The following PPP1R16B variants were observed in gnomAD, a reference collection of about 807,000 sequenced individuals.
The protein encoded by PPP1R16B is protein phosphatase 1 regulatory subunit 16B, also known as protein phosphatase 1 regulatory inhibitor subunit 16B.
A neutral mutation model predicts 61.7 loss-of-function variants in PPP1R16B; 14 were observed. That is an observed-to-expected ratio of 0.23 (90% CI 0.15 to 0.35). The LOEUF (loss-of-function observed/expected upper bound fraction) is 0.35, where lower values mean the gene tolerates loss of function less well. Among genes scored for constraint, PPP1R16B ranks in the 10% least tolerant of loss-of-function variants. PPP1R16B has a pLI of 1.00. For missense variants in PPP1R16B, 547 were observed against 752.5 expected (o/e 0.73, Z 3.19); for synonymous variants, 266 against 305.3 (o/e 0.87, Z 1.34).
chr20:38,842,497 T>C (rs1047921588), intron 2 of PPP1R16B, among the ~76,000 whole-genome samples: 1 of 152,228 alleles, frequency 6.6e-6, no homozygotes, highest in Non-Finnish European at 1.5e-5. Flanking sequence ...GATTCTTCTG[T>C]ACTCTAAATT....
chr20:38,918,534 A>T lies in PPP1R16B; in HGVS notation c.1572A>T (p.Arg524Ser), dbSNP rs756145703. 2 of 1,588,722 alleles carry T rather than the reference A, an allele frequency of 1.3e-6. No individual in the cohort carries two copies. Among genetic ancestry groups the T allele is most frequent in the South Asian group, 2.3e-5 (2 of 87,314 alleles). ...GCAAGGCCCCCTTGATCGGAGGCAG[A>T]ACTTCACCGTACAGCAGCAATGGGA... ...SEGKAPLIGG[R>S]TSPYSSNGTS... Residue 524 changes from arginine to serine, a missense_variant, in exon 11 of 11, where the codon AGA becomes AGT. By Grantham distance (110) the Arg-to-Ser change is moderately radical (BLOSUM62 -1). Transcript: ENST00000299824. This position sits in a 1 kb window ranked among gnomAD's most constrained non-coding sequence, Gnocchi z 5.3.
intron 4 of PPP1R16B, among the ~76,000 whole-genome samples, chr20:38,896,608 A>G (rs888452970): frequency 1.3e-5 from 2 of 151,964 alleles, no homozygotes; most frequent in Admixed American, 6.6e-5. Flanking sequence ...TATAGTGATA[A>G]AACACATATA....
Position 38,918,728 on chromosome 20 carries a change from A to T in PPP1R16B, c.*62A>T, listed in dbSNP as rs970058137. The T allele has an allele frequency of 1.1e-5, 16 of 1,466,312 alleles. No individual in the cohort carries two copies. Among genetic ancestry groups the T allele is most frequent in the Non-Finnish European group, 1.4e-5 (16 of 1,110,678 alleles). The allele number at this position is 1,466,312 out of a possible 1,614,324, so 90.8% of individuals were successfully genotyped here. Reference sequence around the variant, plus strand: ...GGCTCCTGGAATCCAGGCCAGCCCAACAGCCCTGGCTGGGGAGGTGTCAGG... The same window carrying T: ...GGCTCCTGGAATCCAGGCCAGCCCATCAGCCCTGGCTGGGGAGGTGTCAGG... On this transcript the variant is annotated 3_prime_UTR_variant, in exon 11 of 11. Coordinates refer to ENST00000299824, the MANE Select transcript of PPP1R16B (RefSeq NM_015568.4). This position sits in a 1 kb window ranked among gnomAD's most constrained non-coding sequence, Gnocchi z 5.3.
At chr20:38,899,921 C>T (rs1021590731) in intron 4 of PPP1R16B, among the ~76,000 whole-genome samples, 3 of 151,958 alleles carry the variant, frequency 2.0e-5, no homozygotes, top group South Asian at 2.1e-4. Flanking sequence ...CTCAGCCTCC[C>T]GAATAGCTGG....
At chr20:38,815,372 TC>T (rs2084729048) in intron 1 of PPP1R16B, among the ~76,000 whole-genome samples, 1 of 152,228 alleles carries the variant, frequency 6.6e-6, no homozygotes, top group Non-Finnish European at 1.5e-5. Context: ...TATCTGATAG[TC>T]CAGTGATAAA....
chr20:38,867,564 TGCTTTAGCACAGTGCCTG>T (rs2085098593), intron 2 of PPP1R16B, among the ~76,000 whole-genome samples: 1 of 152,238 alleles, frequency 6.6e-6, no homozygotes, highest in South Asian at 2.1e-4. Context: ...AATGAAGCCT[TGCTTTAGCACAGTGCCTG>T]GCACAGAGGA....
In PPP1R16B at chr20:38,902,708, T is replaced by C. The variant is rs965467576; in HGVS notation, c.612T>C (p.Pro204=). 45 of 1,614,092 alleles carry C rather than the reference T, an allele frequency of 2.8e-5. No individual in the cohort carries two copies. Among genetic ancestry groups the C allele is most frequent in the Non-Finnish European group, 3.6e-5 (43 of 1,180,046 alleles). Reference sequence around the variant, plus strand: ...AAATCAACGAGATGCGGGTGGCTCCTGAGCAGCAGATGATTGCGGACATCC... The same window carrying C: ...AAATCAACGAGATGCGGGTGGCTCCCGAGCAGCAGATGATTGCGGACATCC... ...QEKINEMRVA[P]EQQMIADIHC... Residue 204 remains proline, a synonymous_variant, in exon 6 of 11, where the codon CCT becomes CCC. Coordinates refer to ENST00000299824, the MANE Select transcript of PPP1R16B (RefSeq NM_015568.4).
chr20:38,867,829 C>T (rs554625989), intron 2 of PPP1R16B, among the ~76,000 whole-genome samples: 63 of 152,196 alleles, frequency 4.1e-4, no homozygotes, highest in African/African-American at 1.4e-3. Flanking sequence ...CCCGCCACCA[C>T]GCCCAGCTAA....
intron 1 of PPP1R16B, among the ~76,000 whole-genome samples, chr20:38,820,605 T>C (rs1292003669): frequency 6.6e-6 from 1 of 152,008 alleles, no homozygotes; most frequent in Non-Finnish European, 1.5e-5. Context: ...AGGAATTCAA[T>C]TGCAGGATTA....
intron 2 of PPP1R16B, among the ~76,000 whole-genome samples, chr20:38,883,770 C>G (rs1159915520): frequency 6.6e-6 from 1 of 152,190 alleles, no homozygotes; most frequent in East Asian, 1.9e-4. Flanking sequence ...GGCACACAAG[C>G]AAGAGCTCAC....
chr20:38,905,483 G>C (rs1446433685), intron 6 of PPP1R16B, among the ~76,000 whole-genome samples: 2 of 152,158 alleles, frequency 1.3e-5, no homozygotes, highest in African/African-American at 2.4e-5. Flanking sequence ...ACAACATAAA[G>C]TAGAAGCAGA....
At chr20:38,812,893 A>G (rs768445642) in intron 1 of PPP1R16B, among the ~76,000 whole-genome samples, 20 of 152,170 alleles carry the variant, frequency 1.3e-4, no homozygotes, top group Admixed American at 2.6e-4. Context: ...TTGCATATGG[A>G]TCCCCTTTGG....
At chr20:38,905,105 T>C (rs969996597) in intron 6 of PPP1R16B, among the ~76,000 whole-genome samples, 3 of 152,258 alleles carry the variant, frequency 2.0e-5, no homozygotes, top group Non-Finnish European at 4.4e-5. Context: ...TATTATCTAT[T>C]GCTGCATAAC....
chr20:38,918,620 T>C lies in PPP1R16B; in HGVS notation c.1658T>C (p.Ile553Thr), dbSNP rs775353338. The C allele has an allele frequency of 3.3e-6, 5 of 1,521,270 alleles. No homozygotes were observed. The highest frequency in any genetic ancestry group is 3.5e-6 in the Non-Finnish European group (4 of 1,135,616). 94.2% of individuals were successfully genotyped at this position (1,521,270 alleles called of 1,614,324 possible). ...DPPLLKFKAP[I>T]EEMEEKVHGC... ...CCACTCTTAAAGTTCAAGGCCCCCATAGAGGAGATGGAGGAGAAGGTGCAT... is the reference window on the plus strand; with the variant it reads ...CCACTCTTAAAGTTCAAGGCCCCCACAGAGGAGATGGAGGAGAAGGTGCAT... Residue 553 changes from isoleucine to threonine, a missense_variant, in exon 11 of 11, where the codon ATA (isoleucine) becomes ACA (threonine). Physicochemically the swap from Ile to Thr is moderately conservative, Grantham distance 89. Coordinates refer to ENST00000299824, the MANE Select transcript of PPP1R16B (RefSeq NM_015568.4). This position sits in a 1 kb window ranked among gnomAD's most constrained non-coding sequence, Gnocchi z 5.3.
chr20:38,857,672 C>T lies in PPP1R16B; in HGVS notation c.250+21497C>T, dbSNP rs1282454367. 1.2e-4 allele frequency among the ~76,000 whole-genome samples: 18 copies of T among 152,260 alleles called. No homozygotes were observed. The East Asian group carries it at 1.5e-3, about 13-fold the overall frequency. ...TATATATTTAAAGCCCACACAACTC[C>T]GTAGATTTCTTAAAGCTCCATTTTT... On this transcript the variant is annotated intron_variant, in intron 2 of 10. Transcript: ENST00000299824.
chr20:38,829,150 G>A (rs1443105563), intron 1 of PPP1R16B, among the ~76,000 whole-genome samples: 2 of 152,200 alleles, frequency 1.3e-5, no homozygotes, highest in African/African-American at 4.8e-5. Flanking sequence ...AAGAGGGGCT[G>A]AGTTAAGGCT....
intron 3 of PPP1R16B, among the ~76,000 whole-genome samples, chr20:38,892,704 A>C (rs1223702316): frequency 6.6e-6 from 1 of 152,186 alleles, no homozygotes; most frequent in Non-Finnish European, 1.5e-5. Context: ...GTGGCAGCTT[A>C]AAACTGGGAA....
At chr20:38,883,231 CTGT>C (rs2085215640) in intron 2 of PPP1R16B, among the ~76,000 whole-genome samples, 1 of 152,240 alleles carries the variant, frequency 6.6e-6, no homozygotes, top group Non-Finnish European at 1.5e-5. Context: ...CTCTGCCTGG[CTGT>C]CTCCGTTTCC....
At chr20:38,913,385 C>T (rs1310082428) in intron 10 of PPP1R16B, among the ~76,000 whole-genome samples, 3 of 151,946 alleles carry the variant, frequency 2.0e-5, no homozygotes, top group Admixed American at 6.6e-5. Context: ...GCCTTAGCCT[C>T]CTGAGTAGCT....
Sources: allele counts gnomAD v4.1 joint callset (sites outside exome capture counted in the v4.1 genomes callset), GRCh38; gene constraint gnomAD v4.1.1; non-coding constraint Gnocchi (gnomAD v3.1); transcripts MANE v1.5; gene names NCBI Gene and HGNC (gene_info 2026-07-23, HGNC 2026-07-21).